The following TMEM71 variants were observed in gnomAD, a reference collection of about 807,000 sequenced individuals.
TMEM71 encodes transmembrane protein 71.
A neutral mutation model predicts 38.0 loss-of-function variants in TMEM71; 44 were observed. The observed-to-expected ratio is 1.16, with a 90% CI of 0.91 to 1.49. The LOEUF (loss-of-function observed/expected upper bound fraction) is 1.49. Ranked by LOEUF, TMEM71 falls within the 40% of genes most tolerant of loss-of-function variation. The probability of loss-of-function intolerance (pLI) is 0.00; values close to 1 mark genes in which losing one functional copy is unlikely to be tolerated. For synonymous variants in TMEM71, 133 were observed against 122.5 expected (o/e 1.09, Z -0.56); for missense variants, 367 against 348.6 (o/e 1.05, Z -0.42).
downstream of TMEM71, among the ~76,000 whole-genome samples, chr8:132,707,381 T>C (rs1191554966): frequency 6.6e-6 from 1 of 152,148 alleles, no homozygotes; most frequent in Admixed American, 6.5e-5. Context: ...GGGCATGCTA[T>C]GGTTTGAATG....
intron 6 of TMEM71, among the ~76,000 whole-genome samples, chr8:132,726,228 C>T (rs1827133645): frequency 6.6e-6 from 1 of 151,526 alleles, no homozygotes; most frequent in Admixed American, 6.6e-5. Context: ...CATTTCAACA[C>T]CTGGAAAGGG....
At chr8:132,712,932 C>T (rs1826312691) in intron 9 of TMEM71, among the ~76,000 whole-genome samples, 1 of 152,028 alleles carries the variant, frequency 6.6e-6, no homozygotes, top group African/African-American at 2.4e-5. Flanking sequence ...CTCACTGCAG[C>T]CTCCACCTCC....
chr8:132,755,406 T>C (rs1828948052), intron 3 of TMEM71, among the ~76,000 whole-genome samples: 1 of 152,200 alleles, frequency 6.6e-6, no homozygotes, highest in Non-Finnish European at 1.5e-5. Flanking sequence ...TAGTAGTGGA[T>C]TCGTTTTTAG....
At chr8:132,754,901 G>T (rs1259885091) in intron 3 of TMEM71, among the ~76,000 whole-genome samples, 1 of 152,146 alleles carries the variant, frequency 6.6e-6, no homozygotes, top group Non-Finnish European at 1.5e-5. Context: ...CACTTTAACA[G>T]CACATTTTGG....
intron 5 of TMEM71, 152 bp downstream of exon 5, chr8:132,746,790 T>C (rs946262023): frequency 1.8e-5 from 10 of 547,142 alleles, no homozygotes; most frequent in African/African-American, 9.7e-5. Context: ...ACATGTAATA[T>C]AGAGAGAACT....
At position 132,757,205 on chromosome 8, in the gene TMEM71, A is replaced by AT. The variant is rs780367311; in HGVS notation, c.101+28dup. 5.0e-5 allele frequency: 78 copies of AT among 1,572,890 alleles called. No individual in the cohort carries two copies. The East Asian group carries it at 5.2e-4, about 11-fold the overall frequency. ...GCCACCACGCCCGGCCAGAATGATT[A>AT]TTTTTTTAAAAGAAGCCCCATAGTA... On this transcript the variant is annotated intron_variant, in intron 3 of 9. Transcript: ENST00000677595.
chr8:132,743,534 C>T (rs1363903685), intron 5 of TMEM71, among the ~76,000 whole-genome samples: 1 of 152,182 alleles, frequency 6.6e-6, no homozygotes, highest in African/African-American at 2.4e-5. Context: ...ATGCTTCCTT[C>T]CTAATCTCTT....
chr8:132,724,029 G>T lies in TMEM71; in HGVS notation c.677-1914C>A, dbSNP rs1049228147. Among the ~76,000 whole-genome samples, 3 of 152,290 alleles carry T rather than the reference G, an allele frequency of 2.0e-5. No homozygotes were observed. The East Asian group carries it at 5.8e-4, about 29-fold the overall frequency. On this transcript the variant is annotated intron_variant, in intron 6 of 9. Transcript: ENST00000677595. ...AGTTTTATTGAGGATTTTAAAAGGG[G>T]AGGGGGTGCAAGAACAGCAAGTAGG...
chr8:132,710,583 A>G lies in TMEM71; in HGVS notation c.*384T>C, dbSNP rs954884378. 3 of 445,062 alleles carry G rather than the reference A, an allele frequency of 6.7e-6. No individual in the cohort carries two copies. The East Asian group carries it at 1.2e-4, about 17-fold the overall frequency. 27.6% of individuals were successfully genotyped at this position (445,062 alleles called of 1,614,324 possible). ...AAGCAATTCAGCAAGAGATAGGTGC[A>G]TGTGGCAGACCCAGAAATCTGGTTA... On this transcript the variant is annotated 3_prime_UTR_variant, in exon 10 of 10. Transcript: ENST00000677595.
chr8:132,767,161 C>A, the TMEM71 span, among the ~76,000 whole-genome samples: 1 of 152,170 alleles, frequency 6.6e-6, no homozygotes, highest in African/African-American at 2.4e-5. Context: ...AACTGTGGCT[C>A]TTGTTTCTGC....
At chr8:132,718,398 CT>C (rs36014367) in intron 7 of TMEM71, among the ~76,000 whole-genome samples, 1,683 of 128,436 alleles carry the variant, frequency 0.013, 23 homozygotes, top group African/African-American at 0.044. Flanking sequence ...GGGATTTTCT[CT>C]TTTTTTTTTT....
chr8:132,747,011 A>G lies in TMEM71; in HGVS notation c.418T>C (p.Ser140Pro), dbSNP rs1828427942. 2 of 1,613,936 alleles carry G rather than the reference A, an allele frequency of 1.2e-6. No homozygotes were observed. Among genetic ancestry groups the G allele is most frequent in the Non-Finnish European group, 1.7e-6 (2 of 1,179,946 alleles). The change falls in exon 5 of 10, where the codon TCT becomes CCT. Residue 140 changes from serine (S) to proline (P), a missense_variant. Ser to Pro is a moderately conservative substitution (Grantham distance 74, BLOSUM62 -1). Transcript: ENST00000677595. Reference sequence around the variant, plus strand: ...AACCAGTTGTCTTCACTTGGAGAAGAGTTGATGTCACCAAAGATACTTCCA... The same window carrying G: ...AACCAGTTGTCTTCACTTGGAGAAGGGTTGATGTCACCAAAGATACTTCCA... ...LHGSIFGDIN[S>P]SPSEDNWLKG...
At chr8:132,719,574 A>G (rs1826726321) in intron 7 of TMEM71, among the ~76,000 whole-genome samples, 1 of 152,250 alleles carries the variant, frequency 6.6e-6, no homozygotes, top group East Asian at 1.9e-4. Context: ...AGGCATACTC[A>G]ACCTGTATGT....
intron 4 of TMEM71, among the ~76,000 whole-genome samples, chr8:132,751,308 T>C (rs912475360): frequency 6.6e-6 from 1 of 152,212 alleles, no homozygotes; most frequent in Non-Finnish European, 1.5e-5. Context: ...TGTGCCATCT[T>C]TCCAGAAGTT....
At chr8:132,726,077 G>A (rs1827125716) in intron 6 of TMEM71, among the ~76,000 whole-genome samples, 1 of 152,256 alleles carries the variant, frequency 6.6e-6, no homozygotes, top group Admixed American at 6.5e-5. Flanking sequence ...TATCTTTAAG[G>A]AGCTCACAGA....
intron 3 of TMEM71, among the ~76,000 whole-genome samples, chr8:132,756,692 T>C (rs573331868): frequency 6.3e-4 from 95 of 151,808 alleles, no homozygotes; most frequent in African/African-American, 2.2e-3. Context: ...GTTCAAGTGA[T>C]TCTCCCACCT....
downstream of TMEM71, among the ~76,000 whole-genome samples, chr8:132,705,898 G>A (rs1826089270): frequency 1.3e-5 from 2 of 152,104 alleles, no homozygotes; most frequent in South Asian, 4.1e-4. Flanking sequence ...TGTACTGAAT[G>A]TTTTTGTCCC....
intron 5 of TMEM71, among the ~76,000 whole-genome samples, chr8:132,737,318 A>C: frequency 6.6e-6 from 1 of 152,362 alleles, no homozygotes; most frequent in African/African-American, 2.4e-5. Context: ...CCACTCTGTC[A>C]GAAAGAGTCA....
the TMEM71 span, among the ~76,000 whole-genome samples, chr8:132,768,793 C>T: frequency 3.3e-5 from 5 of 152,372 alleles, no homozygotes; most frequent in African/African-American, 1.2e-4. Flanking sequence ...CTCCCTCCTG[C>T]AGAAGGGGAA....
Sources: gnomAD v4.1 joint callset for allele counts (sites outside exome capture counted in the v4.1 genomes callset) on GRCh38, gnomAD v4.1.1 for gene constraint, MANE v1.5 for transcripts, NCBI Gene and HGNC (gene_info 2026-07-23, HGNC 2026-07-21) for gene names.